The following UNC5D variants were observed in gnomAD, a reference collection of about 807,000 sequenced individuals.
UNC5D encodes unc-5 netrin receptor D.
A neutral mutation model predicts 105.4 loss-of-function variants in UNC5D; 39 were observed. The observed-to-expected ratio is 0.37, with a 90% confidence interval of 0.29 to 0.48. The LOEUF (loss-of-function observed/expected upper bound fraction) is 0.48. Ranked by LOEUF, UNC5D falls within the 20% of genes least tolerant of loss-of-function variation. The pLI is 0.98. For synonymous variants in UNC5D, 452 were observed against 450.4 expected, an observed-to-expected ratio of 1.00 and a Z score of -0.04; for missense variants, 991 against 1,202.4, an observed-to-expected ratio of 0.82 and a Z score of 2.60.
intron 1 of UNC5D, among the ~76,000 whole-genome samples, chr8:35,396,487 T>G (rs1804108761): frequency 6.6e-6 from 1 of 151,700 alleles, no homozygotes; most frequent in Non-Finnish European, 1.5e-5. Flanking sequence ...TGAAGATGGC[T>G]TTTATTTTCT....
At chr8:35,340,531 T>A (rs76243601) in intron 1 of UNC5D, among the ~76,000 whole-genome samples, 2,334 of 152,292 alleles carry the variant, frequency 0.015, 67 homozygotes, top group African/African-American at 0.054. Flanking sequence ...TATCTCTGGT[T>A]AAAGGGAAGG....
At chr8:35,587,993 T>TATATATATATATATATATAC (rs1376973554) in intron 3 of UNC5D, among the ~76,000 whole-genome samples, 1 of 141,202 alleles carries the variant, frequency 7.1e-6, no homozygotes, top group African/African-American at 2.6e-5. Context: ...TATATATATA[T>TATATATATATATATATATAC]ACTAATCCCA....
intron 1 of UNC5D, among the ~76,000 whole-genome samples, chr8:35,486,524 T>G (rs1810833555): frequency 6.6e-6 from 1 of 152,150 alleles, no homozygotes; most frequent in Non-Finnish European, 1.5e-5. Context: ...AAACTTAGAG[T>G]CAAGTCATAA....
At chr8:35,623,142 C>T (rs1026628166) in intron 4 of UNC5D, among the ~76,000 whole-genome samples, 9 of 152,172 alleles carry the variant, frequency 5.9e-5, no homozygotes, top group Non-Finnish European at 1.2e-4. Context: ...CTCTGTCTCT[C>T]GGATGGTAAT....
intron 1 of UNC5D, among the ~76,000 whole-genome samples, chr8:35,245,273 G>A (rs1380120568): frequency 6.6e-6 from 1 of 151,598 alleles, no homozygotes; most frequent in Non-Finnish European, 1.5e-5. Flanking sequence ...TGTCTAGCCT[G>A]TTTTTTTTAA....
chr8:35,395,619 C>T (rs561648457), intron 1 of UNC5D, among the ~76,000 whole-genome samples: 14 of 152,300 alleles, frequency 9.2e-5, no homozygotes, highest in African/African-American at 3.4e-4. Flanking sequence ...AATCAACATA[C>T]ACCACCACTC....
intron 1 of UNC5D, among the ~76,000 whole-genome samples, chr8:35,479,962 G>A (rs1002037342): frequency 6.6e-6 from 1 of 152,114 alleles, no homozygotes; most frequent in Admixed American, 6.5e-5. Flanking sequence ...AAAATGTGGT[G>A]ATCTAGCGCT....
chr8:35,274,344 T>C (rs898054562), intron 1 of UNC5D, among the ~76,000 whole-genome samples: 2 of 152,200 alleles, frequency 1.3e-5, no homozygotes, highest in African/African-American at 2.4e-5. Context: ...ATTGCTTAAG[T>C]TCAGCATAGC....
intron 1 of UNC5D, among the ~76,000 whole-genome samples, chr8:35,284,353 G>C (rs992475933): frequency 6.6e-6 from 1 of 152,126 alleles, no homozygotes; most frequent in South Asian, 2.1e-4. Flanking sequence ...ATTTGCACAA[G>C]AATGACAAAA....
chr8:35,725,616 A>T (rs1258501484), intron 9 of UNC5D, among the ~76,000 whole-genome samples: 1 of 151,984 alleles, frequency 6.6e-6, no homozygotes, highest in East Asian at 1.9e-4. Context: ...AGGACACATC[A>T]TTTCCTCCCC....
In UNC5D at chr8:35,555,875, G is replaced by GCACA. The variant is rs56788274; in HGVS notation, c.322+6412_322+6415dup. On this transcript the variant is annotated intron_variant, in intron 2 of 16. Coordinates refer to ENST00000404895, the MANE Select transcript of UNC5D (RefSeq NM_080872.4). ...AATTATAAAGATCTATAAAAAAACA[G>GCACA]CACACACACACACACACACACACAC... Among the ~76,000 whole-genome samples, 329 of 134,222 alleles carry GCACA rather than the reference G, an allele frequency of 2.5e-3. 3 individuals carry two copies. The highest frequency in any genetic ancestry group is 3.5e-3 in the Non-Finnish European group (221 of 63,056). The allele number at this position is 134,222 out of a possible 152,430, so 88.1% of individuals were successfully genotyped here. A position where few individuals can be genotyped will look rare whatever the true frequency, so the allele number is the denominator to read the frequency against.
At chr8:35,649,980 A>G (rs1372684918) in intron 4 of UNC5D, among the ~76,000 whole-genome samples, 1 of 152,202 alleles carries the variant, frequency 6.6e-6, no homozygotes, top group African/African-American at 2.4e-5. Context: ...CAGTTTATTT[A>G]ATAATCATGG....
intron 1 of UNC5D, among the ~76,000 whole-genome samples, chr8:35,331,517 C>T (rs1015883086): frequency 6.6e-6 from 1 of 152,144 alleles, no homozygotes; most frequent in South Asian, 2.1e-4. Context: ...GCCTGTATCA[C>T]TTGCCCTGCT....
intron 1 of UNC5D, among the ~76,000 whole-genome samples, chr8:35,315,391 C>T (rs1809216761): frequency 6.6e-6 from 1 of 152,146 alleles, no homozygotes; most frequent in African/African-American, 2.4e-5. Context: ...GCCTCATTCA[C>T]ATGTTTGGCA....
intron 3 of UNC5D, among the ~76,000 whole-genome samples, chr8:35,588,638 A>G (rs1420470770): frequency 1.3e-5 from 2 of 152,168 alleles, no homozygotes. Context: ...AGTCTGTGTC[A>G]TGTTCAGTCA....
At chr8:35,738,063 G>A (rs986313165) in intron 11 of UNC5D, among the ~76,000 whole-genome samples, 1 of 152,126 alleles carries the variant, frequency 6.6e-6, no homozygotes, top group Non-Finnish European at 1.5e-5. Context: ...CCAAGATCAA[G>A]CCATTGCACT....
chr8:35,391,876 C>G (rs1803799908), intron 1 of UNC5D, among the ~76,000 whole-genome samples: 1 of 152,210 alleles, frequency 6.6e-6, no homozygotes, highest in East Asian at 1.9e-4. Context: ...TGATAAGTAA[C>G]CTATTGTACT....
chr8:35,727,934 T>C (rs1828965318), intron 10 of UNC5D: 1 of 151,586 alleles, frequency 6.6e-6, no homozygotes, highest in Non-Finnish European at 1.5e-5. Context: ...GAACACGACG[T>C]GTCAGAATTA....
At chr8:35,346,404 C>T (rs1811809865) in intron 1 of UNC5D, among the ~76,000 whole-genome samples, 1 of 151,962 alleles carries the variant, frequency 6.6e-6, no homozygotes, top group Admixed American at 6.6e-5. Context: ...AGTCTATTTT[C>T]ATCTTTAGAT....
Sources: gnomAD v4.1 joint callset for allele counts (sites outside exome capture counted in the v4.1 genomes callset) on GRCh38, gnomAD v4.1.1 for gene constraint, MANE v1.5 for transcripts, NCBI Gene and HGNC (gene_info 2026-07-23, HGNC 2026-07-21) for gene names.